Variants in PLCB1 observed in about 807,000 individuals in gnomAD.
PLCB1 encodes 1-phosphatidylinositol 4,5-bisphosphate phosphodiesterase beta-1.
PLCB1 carries 46 observed loss-of-function variants against 161.8 expected under a neutral mutation model. The ratio of observed to expected loss-of-function variants is 0.28; its 90% CI spans 0.22 to 0.36. The LOEUF is 0.36. Among genes scored for constraint, PLCB1 ranks in the 10% least tolerant of loss-of-function variants. PLCB1 has a pLI of 1.00. For synonymous variants in PLCB1, 517 were observed against 503.7 expected (o/e 1.03, Z -0.35); for missense variants, 1,016 against 1,472.5 (o/e 0.69, Z 5.07).
At chr20:8,183,144 G>A (rs1045887274) in intron 2 of PLCB1, among the ~76,000 whole-genome samples, 2 of 152,084 alleles carry the variant, frequency 1.3e-5, no homozygotes, top group African/African-American at 4.8e-5. Context: ...GCAGTGTTGC[G>A]GTAATAGATA....
chr20:8,799,036 A>G (rs756294569), intron 31 of PLCB1, among the ~76,000 whole-genome samples: 24 of 152,340 alleles, frequency 1.6e-4, no homozygotes, highest in Middle Eastern at 3.4e-3. Flanking sequence ...GCTATTGTCT[A>G]TTGGCCCCAT....
rs552895725 is a variant in PLCB1 at position 8,373,136 on chromosome 20, G to A, written c.246+1686G>A. Among the ~76,000 whole-genome samples, 8 of 152,312 alleles carry A rather than the reference G, an allele frequency of 5.3e-5. No individual in the cohort carries two copies. The South Asian group carries it at 1.7e-3, about 32-fold the overall frequency. On this transcript the variant is annotated intron_variant, in intron 3 of 31. Coordinates refer to ENST00000338037, the MANE Select transcript of PLCB1 (RefSeq NM_015192.4). ...TAGATCCTCAAATGCTTCTCGTGAG[G>A]ATGGATTTTTAACACTTAGAATACT...
chr20:8,645,878 C>T (rs1330025471), intron 4 of PLCB1, among the ~76,000 whole-genome samples: 2 of 152,054 alleles, frequency 1.3e-5, no homozygotes, highest in Non-Finnish European at 2.9e-5. Context: ...AGCAGAAAAA[C>T]CTTTATGTAC....
intron 1 of PLCB1, among the ~76,000 whole-genome samples, chr20:8,140,806 T>C (rs1426501738): frequency 2.0e-5 from 3 of 148,368 alleles, no homozygotes; most frequent in East Asian, 3.9e-4. Context: ...TATTTTTTTA[T>C]TTTTTTTTTT....
chr20:8,551,527 T>C (rs896396998), intron 3 of PLCB1, among the ~76,000 whole-genome samples: 3 of 152,140 alleles, frequency 2.0e-5, no homozygotes, highest in African/African-American at 7.2e-5. Flanking sequence ...TATCTCCCCA[T>C]CCCATACCTG....
intron 31 of PLCB1, among the ~76,000 whole-genome samples, chr20:8,800,652 G>A (rs1208110290): frequency 6.6e-6 from 1 of 152,022 alleles, no homozygotes; most frequent in African/African-American, 2.4e-5. Context: ...AAAATACATT[G>A]TTTTCTATCT....
chr20:8,861,626 C>T (rs931292072), intron 31 of PLCB1, among the ~76,000 whole-genome samples: 67 of 148,852 alleles, frequency 4.5e-4, no homozygotes, highest in African/African-American at 1.6e-3. Context: ...GCTACTCGGG[C>T]GGCTGAGGCA....
intron 3 of PLCB1, among the ~76,000 whole-genome samples, chr20:8,523,593 T>G (rs1984466401): frequency 6.8e-6 from 1 of 147,104 alleles, no homozygotes; most frequent in Admixed American, 6.8e-5. Context: ...TCTAGCAGTA[T>G]GAGAATTTGA....
intron 31 of PLCB1, among the ~76,000 whole-genome samples, chr20:8,877,935 A>T (rs1987837301): frequency 6.6e-6 from 1 of 152,238 alleles, no homozygotes; most frequent in Non-Finnish European, 1.5e-5. Flanking sequence ...TAACTTAGCC[A>T]CAACTGGGTC....
chr20:8,763,706 G>A (rs1982162704), intron 25 of PLCB1, among the ~76,000 whole-genome samples: 1 of 151,914 alleles, frequency 6.6e-6, no homozygotes, highest in Non-Finnish European at 1.5e-5. Flanking sequence ...ATTTTTAGTA[G>A]AGATGGGGTT....
intron 2 of PLCB1, among the ~76,000 whole-genome samples, chr20:8,351,395 A>G (rs1309727494): frequency 1.3e-5 from 2 of 152,128 alleles, no homozygotes; most frequent in Non-Finnish European, 2.9e-5. Flanking sequence ...TTCTAGTAGA[A>G]AAATAGAATA....
At chr20:8,375,999 A>C (rs1181494404) in intron 3 of PLCB1, among the ~76,000 whole-genome samples, 1 of 151,766 alleles carries the variant, frequency 6.6e-6, no homozygotes, top group Non-Finnish European at 1.5e-5. Flanking sequence ...TACTATGCCA[A>C]CAAAAAGGAT....
intron 4 of PLCB1, among the ~76,000 whole-genome samples, chr20:8,629,427 G>A (rs1489249651): frequency 6.6e-6 from 1 of 152,240 alleles, no homozygotes; most frequent in East Asian, 1.9e-4. Context: ...GAACATCTAG[G>A]ACCCCTGGAT....
At chr20:8,212,218 G>T (rs1379751858) in intron 2 of PLCB1, among the ~76,000 whole-genome samples, 3 of 152,050 alleles carry the variant, frequency 2.0e-5, no homozygotes, top group Non-Finnish European at 4.4e-5. Context: ...TGGTACATTA[G>T]AAAAGCCTGA....
intron 3 of PLCB1, among the ~76,000 whole-genome samples, chr20:8,441,633 C>T (rs966541897): frequency 6.6e-6 from 1 of 152,208 alleles, no homozygotes; most frequent in Admixed American, 6.5e-5. Flanking sequence ...TGTTTGCCTA[C>T]CAATTAACCA....
intron 1 of PLCB1, among the ~76,000 whole-genome samples, chr20:8,145,993 G>T (rs1290943553): frequency 2.6e-5 from 4 of 152,152 alleles, no homozygotes; most frequent in Non-Finnish European, 1.5e-5. Flanking sequence ...CTCCTGTACT[G>T]GACAGCACCA....
intron 7 of PLCB1, among the ~76,000 whole-genome samples, chr20:8,656,399 T>C (rs2123316509): frequency 6.6e-6 from 1 of 152,166 alleles, no homozygotes; most frequent in Admixed American, 6.6e-5. Flanking sequence ...GTGTGTTCTT[T>C]TGTTTAAGGG....
At chr20:8,682,931 A>C (rs935416821) in intron 9 of PLCB1, among the ~76,000 whole-genome samples, 6 of 152,172 alleles carry the variant, frequency 3.9e-5, no homozygotes, top group Admixed American at 3.9e-4. Flanking sequence ...AGATGTAACC[A>C]TCAGAGCAGT....
At chr20:8,774,749 T>C (rs1982862897) in intron 27 of PLCB1, 30 bp downstream of exon 27, 1 of 1,557,344 alleles carries the variant, frequency 6.4e-7, no homozygotes, top group African/African-American at 1.4e-5. Context: ...TTTATGTTTG[T>C]GCAACTGGAA....
Sources: gnomAD v4.1 joint callset for allele counts (sites outside exome capture counted in the v4.1 genomes callset) on GRCh38, gnomAD v4.1.1 for gene constraint, MANE v1.5 for transcripts, NCBI Gene and HGNC (gene_info 2026-07-23, HGNC 2026-07-21) for gene names.